DOK6: variants seen among roughly 807,000 people sequenced by gnomAD.
The protein encoded by DOK6 is downstream of tyrosine kinase 6.
A neutral mutation model predicts 44.0 loss-of-function variants in DOK6; 22 were observed. The observed-to-expected ratio is 0.50, with a 90% CI of 0.36 to 0.71. The LOEUF (loss-of-function observed/expected upper bound fraction) is 0.71. Ranked by LOEUF, DOK6 falls within the 30% of genes least tolerant of loss-of-function variation. DOK6 has a pLI of 0.00. For missense variants in DOK6, 340 were observed against 416.4 expected (o/e 0.82, Z 1.60); for synonymous variants, 166 against 145.5 (o/e 1.14, Z -1.01).
chr18:69,778,054 A>G (rs1980134369), intron 7 of DOK6: 1 of 152,202 alleles, frequency 6.6e-6, no homozygotes, highest in Non-Finnish European at 1.5e-5. Context: ...ATAAGCACTT[A>G]GAAATCCAAT....
intron 3 of DOK6, among the ~76,000 whole-genome samples, chr18:69,622,658 C>A (rs961708585): frequency 6.6e-6 from 1 of 152,070 alleles, no homozygotes; most frequent in Non-Finnish European, 1.5e-5. Flanking sequence ...GTCACCATGG[C>A]CTCCTTAGAT....
chr18:69,758,291 G>GGT (rs1414345202), intron 7 of DOK6, among the ~76,000 whole-genome samples: 1 of 152,032 alleles, frequency 6.6e-6, no homozygotes, highest in East Asian at 1.9e-4. Context: ...GCCATAAACT[G>GGT]GTATATAAAC....
intron 1 of DOK6, among the ~76,000 whole-genome samples, chr18:69,499,700 T>C (rs1980995611): frequency 6.6e-6 from 1 of 152,206 alleles, no homozygotes; most frequent in Non-Finnish European, 1.5e-5. Context: ...TAGCCTACTA[T>C]GCATCTCCAT....
At chr18:69,610,813 T>C (rs1278435100) in intron 3 of DOK6, among the ~76,000 whole-genome samples, 3 of 152,220 alleles carry the variant, frequency 2.0e-5, no homozygotes, top group Non-Finnish European at 2.9e-5. Context: ...GGGGAGGTTA[T>C]ATGCAATCAC....
chr18:69,539,080 A>G (rs1248402672), intron 1 of DOK6, among the ~76,000 whole-genome samples: 1 of 152,214 alleles, frequency 6.6e-6, no homozygotes, highest in African/African-American at 2.4e-5. Flanking sequence ...AGCAAGGTCA[A>G]CTAAGAGACA....
At chr18:69,505,117 T>A (rs1007845051) in intron 1 of DOK6, among the ~76,000 whole-genome samples, 2 of 152,186 alleles carry the variant, frequency 1.3e-5, no homozygotes, top group Admixed American at 6.5e-5. Context: ...TCACATCCCG[T>A]CATGCATATG....
chr18:69,498,778 C>T (rs767214156), intron 1 of DOK6, among the ~76,000 whole-genome samples: 2 of 152,170 alleles, frequency 1.3e-5, no homozygotes, highest in African/African-American at 4.8e-5. Context: ...CAAGGGCACT[C>T]TCTTGTACAA....
At position 69,599,887 on chromosome 18, in the gene DOK6, G is replaced by A. The variant is rs186714607; in HGVS notation, c.289+389G>A. The stretch of plus-strand genomic sequence containing the variant: ...GCATGGCAGAGCACAGCCCCAGTCC[G>A]CAGACACCACAAAACAGAACTTTGA... On this transcript the variant is annotated intron_variant, in intron 3 of 7. Transcript: ENST00000382713. 1.2e-3 allele frequency among the ~76,000 whole-genome samples: 181 copies of A among 152,260 alleles called. No individual in the cohort carries two copies. The Middle Eastern group carries it at 0.014, about 11-fold the overall frequency.
intron 1 of DOK6, among the ~76,000 whole-genome samples, chr18:69,496,492 G>A (rs1421564462): frequency 6.6e-6 from 1 of 152,228 alleles, no homozygotes; most frequent in African/African-American, 2.4e-5. Flanking sequence ...GTGCTATCTC[G>A]TTCAGCTATT....
chr18:69,412,614 T>C (rs1978311033), intron 1 of DOK6, among the ~76,000 whole-genome samples: 2 of 152,064 alleles, frequency 1.3e-5, no homozygotes, highest in Non-Finnish European at 2.9e-5. Context: ...CACTGAGCCC[T>C]AGAGAGCTAG....
intron 3 of DOK6, among the ~76,000 whole-genome samples, chr18:69,665,342 T>G (rs1364035532): frequency 6.6e-6 from 1 of 152,108 alleles, no homozygotes; most frequent in African/African-American, 2.4e-5. Flanking sequence ...AATGCACACT[T>G]GTGAAATGAG....
intron 1 of DOK6, among the ~76,000 whole-genome samples, chr18:69,546,541 T>A (rs1213238730): frequency 1.3e-5 from 2 of 151,542 alleles, no homozygotes; most frequent in African/African-American, 4.8e-5. Context: ...GGGTACTACC[T>A]ATAAAATAAA....
At chr18:69,472,739 GAC>G (rs199645311) in intron 1 of DOK6, among the ~76,000 whole-genome samples, 2 of 151,120 alleles carry the variant, frequency 1.3e-5, no homozygotes, top group African/African-American at 2.4e-5. Context: ...CGCACAGATA[GAC>G]ACACACACAC....
At chr18:69,402,747 C>A (rs1195552491) in intron 1 of DOK6, among the ~76,000 whole-genome samples, 1 of 152,222 alleles carries the variant, frequency 6.6e-6, no homozygotes, top group Non-Finnish European at 1.5e-5. Context: ...CAGCCTGGAG[C>A]CAACGTGCGC....
intron 1 of DOK6, among the ~76,000 whole-genome samples, chr18:69,550,799 A>C (rs1330883769): frequency 8.1e-5 from 3 of 37,140 alleles, no homozygotes; most frequent in East Asian, 7.1e-4. Flanking sequence ...TTTTTTTTTT[A>C]TTTTGAGACG....
At chr18:69,578,252 C>T (rs958297368) in intron 2 of DOK6, among the ~76,000 whole-genome samples, 11 of 151,958 alleles carry the variant, frequency 7.2e-5, no homozygotes, top group African/African-American at 2.4e-4. Flanking sequence ...TAGGAAAAAT[C>T]ATAGTATAAT....
chr18:69,702,599 T>C (rs992653602), intron 5 of DOK6, among the ~76,000 whole-genome samples: 1 of 152,170 alleles, frequency 6.6e-6, no homozygotes, highest in Non-Finnish European at 1.5e-5. Flanking sequence ...AATACTAAAA[T>C]GTAAAAACAT....
At chr18:69,713,675 CT>C (rs904576386) in intron 5 of DOK6, among the ~76,000 whole-genome samples, 2 of 152,132 alleles carry the variant, frequency 1.3e-5, no homozygotes, top group African/African-American at 4.8e-5. Context: ...AGTTTTCAGC[CT>C]CACAAAACTT....
intron 7 of DOK6, among the ~76,000 whole-genome samples, chr18:69,840,759 C>A (rs1982193607): frequency 6.6e-6 from 1 of 152,166 alleles, no homozygotes; most frequent in Admixed American, 6.5e-5. Flanking sequence ...TCTGATAATT[C>A]ATGGTTACTG....
Sources: gnomAD v4.1 joint callset for allele counts (sites outside exome capture counted in the v4.1 genomes callset) on GRCh38, gnomAD v4.1.1 for gene constraint, MANE v1.5 for transcripts, NCBI Gene and HGNC (gene_info 2026-07-23, HGNC 2026-07-21) for gene names.